Variants in CPA6 observed in about 807,000 individuals in gnomAD.
CPA6 encodes carboxypeptidase A6.
CPA6 carries 58 observed loss-of-function variants against 63.3 expected under a neutral mutation model. The observed-to-expected ratio is 0.92, with a 90% CI of 0.74 to 1.14. The LOEUF is 1.14. Among genes scored for constraint, CPA6 ranks in the 50% most tolerant of loss-of-function variants. CPA6 has a pLI of 0.00. For missense variants in CPA6, 565 were observed against 526.6 expected (o/e 1.07, Z -0.71); for synonymous variants, 185 against 179.0 (o/e 1.03, Z -0.27).
intron 2 of CPA6, among the ~76,000 whole-genome samples, chr8:67,593,982 T>C (rs1310040530): frequency 1.3e-5 from 2 of 150,424 alleles, no homozygotes; most frequent in African/African-American, 4.9e-5. Context: ...CTAGTCTCTA[T>C]GGTCTTTACA....
rs993493118 is a variant in CPA6, at chr8:67,619,908, T to C, written c.192+4268A>G. Among the ~76,000 whole-genome samples the C allele has an allele frequency of 4.6e-5, 7 of 152,344 alleles. No homozygotes were observed. In the South Asian group the frequency reaches 1.5e-3, roughly 32 times the overall value. ...CTCCCATCTCCTTGTTTGGCTGCCC[T>C]ACAATTATCAAACCATTTATCTGCT... On this transcript the variant is annotated intron_variant, in intron 2 of 10. Coordinates refer to ENST00000297770, the MANE Select transcript of CPA6 (RefSeq NM_020361.5).
intron 1 of CPA6, among the ~76,000 whole-genome samples, chr8:67,733,461 T>C (rs886169736): frequency 7.2e-5 from 11 of 152,096 alleles, no homozygotes; most frequent in Admixed American, 3.9e-4. Context: ...GAGCTTCACA[T>C]AATCAGGAGT....
chr8:67,491,977 GT>G (rs1554667917), intron 6 of CPA6, among the ~76,000 whole-genome samples: 4 of 152,194 alleles, frequency 2.6e-5, no homozygotes, highest in Non-Finnish European at 5.9e-5. Context: ...GTGTAGTTGT[GT>G]TGTGTCCTTG....
In CPA6 at chr8:67,739,701, A is replaced by C. The variant is rs11998567; in HGVS notation, c.116+6313T>G. 8.5e-3 allele frequency among the ~76,000 whole-genome samples: 1,289 copies of C among 152,326 alleles called. 17 individuals carry two copies. Among genetic ancestry groups the C allele is most frequent in the African/African-American group, 0.03 (1,229 of 41,562 alleles). On this transcript the variant is annotated intron_variant, in intron 1 of 10. Coordinates refer to ENST00000297770, the MANE Select transcript of CPA6 (RefSeq NM_020361.5). Reference sequence around the variant, plus strand: ...TTTCAGGGTGTAGGATAAGTGAAAAAGAGGCAGGAAAACAAGATTTTGATG... The same window carrying C: ...TTTCAGGGTGTAGGATAAGTGAAAACGAGGCAGGAAAACAAGATTTTGATG...
At chr8:67,679,653 T>C (rs1273783624) in intron 1 of CPA6, among the ~76,000 whole-genome samples, 1 of 152,228 alleles carries the variant, frequency 6.6e-6, no homozygotes, top group Admixed American at 6.5e-5. Context: ...TATCCATAGC[T>C]GTCATGCTTT....
intron 2 of CPA6, among the ~76,000 whole-genome samples, chr8:67,537,828 T>C (rs1191939191): frequency 6.6e-6 from 1 of 152,244 alleles, no homozygotes; most frequent in Non-Finnish European, 1.5e-5. Context: ...ACATTAGTGT[T>C]ATAAATTTCC....
chr8:67,508,732 T>C (rs907430268), intron 5 of CPA6, among the ~76,000 whole-genome samples: 4 of 151,604 alleles, frequency 2.6e-5, no homozygotes, highest in African/African-American at 9.7e-5. Context: ...GAAGTAGAGA[T>C]GATGATTAGA....
intron 2 of CPA6, among the ~76,000 whole-genome samples, chr8:67,520,358 A>G (rs1043359726): frequency 3.9e-5 from 6 of 152,222 alleles, no homozygotes; most frequent in African/African-American, 1.4e-4. Context: ...TTCCTGGGAA[A>G]CTTTCTCACA....
chr8:67,677,761 CA>C (rs1472546510), intron 1 of CPA6, among the ~76,000 whole-genome samples: 1 of 151,720 alleles, frequency 6.6e-6, no homozygotes, highest in Non-Finnish European at 1.5e-5. Context: ...AAAATCTAGG[CA>C]AGAGTGGATG....
At chr8:67,596,104 T>C (rs549044982) in intron 2 of CPA6, among the ~76,000 whole-genome samples, 1 of 152,246 alleles carries the variant, frequency 6.6e-6, no homozygotes, top group Non-Finnish European at 1.5e-5. Context: ...CAACAATCTT[T>C]AATTTTTGGG....
At chr8:67,720,232 T>G (rs935922290) in intron 1 of CPA6, among the ~76,000 whole-genome samples, 4 of 151,958 alleles carry the variant, frequency 2.6e-5, no homozygotes, top group African/African-American at 9.7e-5. Flanking sequence ...TTTCACAAGG[T>G]AATGTCATCA....
At position 67,737,499 on chromosome 8, in the gene CPA6, G is replaced by C. The variant is rs556076461; in HGVS notation, c.116+8515C>G. ...TCTAAGATGACTTCTCTGGCCTTCT[G>C]TCCATTCTTCAGTCTGGGTTAGGTG... On this transcript the variant is annotated intron_variant, in intron 1 of 10. Coordinates refer to ENST00000297770, the MANE Select transcript of CPA6 (RefSeq NM_020361.5). Among the ~76,000 whole-genome samples, 48 of 152,044 alleles carry C rather than the reference G, an allele frequency of 3.2e-4. 1 individual carries two copies. Among genetic ancestry groups the C allele is most frequent in the Middle Eastern group, 3.4e-3 (1 of 294 alleles).
At chr8:67,713,882 C>T (rs1309634380) in intron 1 of CPA6, among the ~76,000 whole-genome samples, 3 of 152,152 alleles carry the variant, frequency 2.0e-5, no homozygotes, top group African/African-American at 4.8e-5. Flanking sequence ...CATTCAATTG[C>T]TATTTACTTT....
chr8:67,514,148 G>A (rs1293280439), intron 3 of CPA6, among the ~76,000 whole-genome samples: 2 of 151,906 alleles, frequency 1.3e-5, no homozygotes, highest in Admixed American at 6.6e-5. Context: ...AGTAGAGACC[G>A]GGTTTCACCA....
At chr8:67,482,285 C>T (rs766260715) in intron 8 of CPA6, among the ~76,000 whole-genome samples, 3 of 152,114 alleles carry the variant, frequency 2.0e-5, no homozygotes, top group Non-Finnish European at 4.4e-5. Flanking sequence ...TATGTGGATG[C>T]GAGTCTCCAC....
At chr8:67,731,328 C>A (rs970535374) in intron 1 of CPA6, among the ~76,000 whole-genome samples, 5 of 152,254 alleles carry the variant, frequency 3.3e-5, no homozygotes, top group African/African-American at 1.2e-4. Flanking sequence ...AGAAACTATG[C>A]AGTGTGGTTT....
chr8:67,676,366 C>A (rs1045648478), intron 1 of CPA6, among the ~76,000 whole-genome samples: 7 of 152,196 alleles, frequency 4.6e-5, no homozygotes, highest in Non-Finnish European at 1.0e-4. Flanking sequence ...TACTAAAGTA[C>A]CAAGCTCAGG....
chr8:67,490,828 G>A (rs571133500), intron 6 of CPA6, among the ~76,000 whole-genome samples: 1 of 150,922 alleles, frequency 6.6e-6, no homozygotes, highest in Admixed American at 6.6e-5. Flanking sequence ...CCTTTTCAAT[G>A]CTTTCGGATT....
At chr8:67,613,168 C>G (rs1814854409) in intron 2 of CPA6, among the ~76,000 whole-genome samples, 2 of 152,194 alleles carry the variant, frequency 1.3e-5, no homozygotes, top group East Asian at 3.9e-4. Flanking sequence ...ACCTCATACC[C>G]TTGCCTATTT....
Sources: gnomAD v4.1 joint callset for allele counts (sites outside exome capture counted in the v4.1 genomes callset) on GRCh38, gnomAD v4.1.1 for gene constraint, MANE v1.5 for transcripts, NCBI Gene and HGNC (gene_info 2026-07-23, HGNC 2026-07-21) for gene names.